SNX29: variants seen among roughly 807,000 people sequenced by gnomAD.
SNX29 encodes the protein sorting nexin 29, also known as sorting nexin-29.
In SNX29, 78 loss-of-function variants were observed where a neutral mutation model predicts 102.1. That is an observed-to-expected ratio of 0.76 (90% CI 0.64 to 0.92). The LOEUF is 0.92. Among genes scored for constraint, SNX29 ranks in the 40% least tolerant of loss-of-function variants. The pLI is 0.00. For synonymous variants in SNX29, 580 were observed against 414.5 expected, an observed-to-expected ratio of 1.40 and a Z score of -4.85; for missense variants, 1,280 against 1,061.7, an observed-to-expected ratio of 1.21 and a Z score of -2.86.
chr16:12,441,031 A>G (rs2085776850), intron 18 of SNX29, among the ~76,000 whole-genome samples: 1 of 149,730 alleles, frequency 6.7e-6, no homozygotes, highest in South Asian at 2.1e-4. Flanking sequence ...GGCTTCTTTC[A>G]CTTAGCGTAA....
chr16:12,385,365 A>G lies in SNX29; in HGVS notation c.1900-13081A>G, dbSNP rs553782077. Among the ~76,000 whole-genome samples, 17 of 152,340 alleles carry G rather than the reference A, an allele frequency of 1.1e-4. No homozygotes were observed. In the East Asian group the frequency reaches 2.1e-3, roughly 19 times the overall value. ...GCAGCAGGAAGTGAATCCTGAGACA[A>G]CTTGTTCATAGAGGATCTTGATTGT... On this transcript the variant is annotated intron_variant, in intron 16 of 20. Transcript: ENST00000566228.
intron 13 of SNX29, among the ~76,000 whole-genome samples, chr16:12,191,984 AAAGTATAATTCCCATAGG>A (rs1240142698): frequency 6.6e-6 from 1 of 152,190 alleles, no homozygotes; most frequent in African/African-American, 2.4e-5. Context: ...ACATCTAGGG[AAAGTATAATTCCCATAGG>A]TGTATCTTAG....
chr16:11,978,363 T>A (rs1323165614), intron 1 of SNX29, among the ~76,000 whole-genome samples: 1 of 152,266 alleles, frequency 6.6e-6, no homozygotes, highest in Non-Finnish European at 1.5e-5. Flanking sequence ...ATCTTGGCCC[T>A]GCCACATAAA....
chr16:12,465,950 C>G (rs993168210), intron 18 of SNX29, among the ~76,000 whole-genome samples: 1 of 151,946 alleles, frequency 6.6e-6, no homozygotes, highest in Non-Finnish European at 1.5e-5. Flanking sequence ...ATTCAACATC[C>G]TTTCATGATA....
chr16:12,543,005 G>C (rs1306756521), intron 20 of SNX29, among the ~76,000 whole-genome samples: 5 of 152,136 alleles, frequency 3.3e-5, no homozygotes, highest in African/African-American at 4.8e-5. Context: ...CAGGGACTTG[G>C]CTAGCTTCAG....
rs148115275 is a variant in SNX29, at chr16:11,979,573, G to A, written c.7+2760G>A. 4.9e-3 allele frequency among the ~76,000 whole-genome samples: 749 copies of A among 152,070 alleles called. 7 individuals are homozygous for A. The highest frequency in any genetic ancestry group is 0.017 in the African/African-American group (716 of 41,482). ...TTCTGTTCCCCACTTATAATATTTT[G>A]TTTATTTATTTATTTTATTTATGTT... On this transcript the variant is annotated intron_variant, in intron 1 of 20. Coordinates refer to ENST00000566228, the MANE Select transcript of SNX29 (RefSeq NM_032167.5).
intron 14 of SNX29, among the ~76,000 whole-genome samples, chr16:12,254,283 T>C (rs535178791): frequency 5.3e-4 from 80 of 151,896 alleles, no homozygotes; most frequent in African/African-American, 1.9e-3. Context: ...AGAGAGTGAG[T>C]GTAGGTGGGC....
intron 14 of SNX29, among the ~76,000 whole-genome samples, chr16:12,211,288 T>C (rs534948073): frequency 1.5e-3 from 235 of 152,320 alleles, no homozygotes; most frequent in African/African-American, 5.4e-3. Flanking sequence ...CGAATACATA[T>C]TCTGATACAG....
intron 20 of SNX29, chr16:12,527,381 C>T (rs1222778965): frequency 4.0e-6 from 2 of 501,000 alleles, no homozygotes; most frequent in Non-Finnish European, 7.7e-6. Context: ...TAAAAATCTC[C>T]TGCCTAAGGA....
chr16:12,265,987 C>A (rs2078916873), intron 14 of SNX29, among the ~76,000 whole-genome samples: 1 of 152,100 alleles, frequency 6.6e-6, no homozygotes, highest in African/African-American at 2.4e-5. Flanking sequence ...TACCATTATC[C>A]CCATTTTACA....
intron 15 of SNX29, among the ~76,000 whole-genome samples, chr16:12,311,875 G>A (rs1045454358): frequency 6.6e-6 from 1 of 152,204 alleles, no homozygotes; most frequent in African/African-American, 2.4e-5. Context: ...GGTTAAATAA[G>A]ATAGAGTTAT....
At chr16:12,418,080 G>A (rs1371635289) in intron 18 of SNX29, among the ~76,000 whole-genome samples, 1 of 152,088 alleles carries the variant, frequency 6.6e-6, no homozygotes, top group South Asian at 2.1e-4. Flanking sequence ...GGATTCCCAC[G>A]TGTCGGGAAA....
At chr16:12,510,733 AC>A (rs1179331057) in intron 19 of SNX29, among the ~76,000 whole-genome samples, 16 of 150,304 alleles carry the variant, frequency 1.1e-4, no homozygotes, top group Admixed American at 3.3e-4. Flanking sequence ...CTCCTCCCCC[AC>A]CCCCCAGCTG....
chr16:12,131,480 G>A (rs564059983), intron 13 of SNX29, among the ~76,000 whole-genome samples: 2 of 151,982 alleles, frequency 1.3e-5, no homozygotes, highest in Non-Finnish European at 2.9e-5. Flanking sequence ...AGCTTTTATT[G>A]TTTCCATATA....
chr16:12,289,807 G>T lies in SNX29; in HGVS notation c.1782+11771G>T, dbSNP rs560589059. Among the ~76,000 whole-genome samples the T allele has an allele frequency of 3.9e-5, 6 of 152,046 alleles. No homozygotes were observed. The South Asian group carries it at 1.2e-3, about 32-fold the overall frequency. On this transcript the variant is annotated intron_variant, in intron 15 of 20. Transcript: ENST00000566228. ...TTGAGGCGGGAAGTGGCTTCAAGAAGCCACTTCTGGGTCCCCAGAAGGAGT... is the reference window on the plus strand; with the variant it reads ...TTGAGGCGGGAAGTGGCTTCAAGAATCCACTTCTGGGTCCCCAGAAGGAGT...
chr16:12,120,717 A>G (rs1322808754), intron 11 of SNX29, among the ~76,000 whole-genome samples: 1 of 152,104 alleles, frequency 6.6e-6, no homozygotes, highest in African/African-American at 2.4e-5. Context: ...TCCCTGCTCC[A>G]CTGTTGTTTT....
At position 12,549,375 on chromosome 16, in the gene SNX29, G is replaced by C. The variant is rs963302025; in HGVS notation, c.2319-19131G>C. Reference sequence around the variant, plus strand: ...CCATGGGTGGTGGTGTGCACCTGTAGTCCCAGCTACTCAGAAGGCTGAGGC... The same window carrying C: ...CCATGGGTGGTGGTGTGCACCTGTACTCCCAGCTACTCAGAAGGCTGAGGC... On this transcript the variant is annotated intron_variant, in intron 20 of 20. Coordinates refer to ENST00000566228, the MANE Select transcript of SNX29 (RefSeq NM_032167.5). 2.0e-5 allele frequency among the ~76,000 whole-genome samples: 3 copies of C among 152,166 alleles called. No individual in the cohort carries two copies. The East Asian group carries it at 5.8e-4, about 29-fold the overall frequency.
intron 13 of SNX29, among the ~76,000 whole-genome samples, chr16:12,186,666 C>G (rs187152488): frequency 1.5e-4 from 23 of 152,328 alleles, no homozygotes; most frequent in African/African-American, 3.8e-4. Flanking sequence ...GGTCCTGTCT[C>G]TTTAATCTGG....
At chr16:12,323,803 C>G (rs1244017103) in intron 15 of SNX29, among the ~76,000 whole-genome samples, 1 of 152,116 alleles carries the variant, frequency 6.6e-6, no homozygotes, top group Admixed American at 6.6e-5. Context: ...TGATGTGGAC[C>G]TCCCTCCCAG....
Sources: gnomAD v4.1 joint callset for allele counts (sites outside exome capture counted in the v4.1 genomes callset) on GRCh38, gnomAD v4.1.1 for gene constraint, MANE v1.5 for transcripts, NCBI Gene and HGNC (gene_info 2026-07-23, HGNC 2026-07-21) for gene names.